FUT8: variants seen among roughly 807,000 people sequenced by gnomAD.
FUT8 encodes fucosyltransferase 8.
A neutral mutation model predicts 71.3 loss-of-function variants in FUT8; 29 were observed. The ratio of observed to expected loss-of-function variants is 0.41; its 90% CI spans 0.30 to 0.55. The LOEUF is 0.55. Among genes scored for constraint, FUT8 ranks in the 20% least tolerant of loss-of-function variants. The pLI, the probability that FUT8 is intolerant of heterozygous loss-of-function variation, is 0.34. For synonymous variants in FUT8, 254 were observed against 239.3 expected, an observed-to-expected ratio of 1.06 and a Z score of -0.57; for missense variants, 544 against 702.1, an observed-to-expected ratio of 0.77 and a Z score of 2.55.
At chr14:65,566,426 G>A (rs1242694938) in intron 3 of FUT8, among the ~76,000 whole-genome samples, 5 of 151,978 alleles carry the variant, frequency 3.3e-5, no homozygotes, top group African/African-American at 9.7e-5. Flanking sequence ...CACCACAGAA[G>A]GGAAGTTGAA....
intron 2 of FUT8, among the ~76,000 whole-genome samples, chr14:65,461,569 C>T (rs1234179543): frequency 3.3e-5 from 5 of 152,150 alleles, no homozygotes; most frequent in Non-Finnish European, 5.9e-5. Context: ...TTCTTGACAA[C>T]AGCATGGTAT....
At chr14:65,633,519 C>T (rs1890334444) in intron 6 of FUT8, among the ~76,000 whole-genome samples, 2 of 150,378 alleles carry the variant, frequency 1.3e-5, no homozygotes, top group South Asian at 4.2e-4. Context: ...AGCCGCCATC[C>T]CATCTAGGAA....
intron 2 of FUT8, among the ~76,000 whole-genome samples, chr14:65,508,262 C>T (rs1882064419): frequency 6.6e-6 from 1 of 151,630 alleles, no homozygotes. Context: ...TTAGTAGAGA[C>T]AGGGTTTCAC....
At chr14:65,389,312 C>G in the FUT8 span, among the ~76,000 whole-genome samples, 1 of 151,668 alleles carries the variant, frequency 6.6e-6, no homozygotes, top group Non-Finnish European at 1.5e-5. Flanking sequence ...TGGGCTCAAG[C>G]GATCCTCCCA....
At chr14:65,671,924 A>C (rs1052671797) in intron 7 of FUT8, among the ~76,000 whole-genome samples, 3 of 152,204 alleles carry the variant, frequency 2.0e-5, no homozygotes, top group African/African-American at 7.2e-5. Flanking sequence ...TCTGAGTTGT[A>C]CAAAAAATCT....
At chr14:65,575,712 G>A (rs773722621) in intron 3 of FUT8, among the ~76,000 whole-genome samples, 12 of 151,520 alleles carry the variant, frequency 7.9e-5, no homozygotes, top group Non-Finnish European at 1.8e-4. Context: ...TCCACCTCCC[G>A]GGTTCAAGCA....
At chr14:65,651,911 A>C (rs575731930) in intron 6 of FUT8, among the ~76,000 whole-genome samples, 1 of 152,352 alleles carries the variant, frequency 6.6e-6, no homozygotes, top group Admixed American at 6.5e-5. Context: ...TTACAGAAAC[A>C]TCTTCATATT....
chr14:65,573,341 A>G (rs1293648849), intron 3 of FUT8, among the ~76,000 whole-genome samples: 8 of 152,140 alleles, frequency 5.3e-5, no homozygotes, highest in Non-Finnish European at 1.0e-4. Context: ...ATATTAATAT[A>G]TTCATATATA....
intron 3 of FUT8, among the ~76,000 whole-genome samples, chr14:65,580,239 A>T (rs905056448): frequency 5.3e-5 from 8 of 151,410 alleles, no homozygotes; most frequent in Admixed American, 4.0e-4. Context: ...GATATAGGCT[A>T]TTGCTCCTAG....
At chr14:65,398,996 T>G in the FUT8 span, among the ~76,000 whole-genome samples, 2 of 152,182 alleles carry the variant, frequency 1.3e-5, no homozygotes, top group African/African-American at 4.8e-5. Context: ...TTAGCCTCTC[T>G]GTTACTAAGT....
At chr14:65,632,074 TATACATATACAC>T (rs1890213701) in intron 6 of FUT8, among the ~76,000 whole-genome samples, 1 of 152,262 alleles carries the variant, frequency 6.6e-6, no homozygotes, top group Admixed American at 6.5e-5. Context: ...TGCATATACA[TATACATATACAC>T]ATACATATAC....
chr14:65,439,973 T>TATATATATATATATATATGTACA (rs1382143906), intron 1 of FUT8, among the ~76,000 whole-genome samples: 1 of 135,964 alleles, frequency 7.4e-6, no homozygotes, highest in African/African-American at 2.7e-5. Flanking sequence ...TATATATATA[T>TATATATATATATATATATGTACA]ATATATATAT....
chr14:65,601,341 G>A (rs996924390), intron 3 of FUT8, among the ~76,000 whole-genome samples: 7 of 152,072 alleles, frequency 4.6e-5, no homozygotes, highest in Non-Finnish European at 1.0e-4. Context: ...ACAATTATTT[G>A]TTGTGCTTTT....
intron 10 of FUT8, among the ~76,000 whole-genome samples, chr14:65,737,856 C>T (rs563666370): frequency 4.6e-5 from 7 of 152,170 alleles, no homozygotes; most frequent in South Asian, 2.1e-4. Flanking sequence ...CAAATCCGCA[C>T]GCAATTCTAC....
chr14:65,626,530 T>G (rs964691829), intron 5 of FUT8, among the ~76,000 whole-genome samples: 8 of 152,200 alleles, frequency 5.3e-5, no homozygotes, highest in African/African-American at 1.9e-4. Context: ...TAAAATTCAT[T>G]GCTTGGGTTT....
At chr14:65,719,608 T>TTGAAGGGAGTTGGC (rs1243000309) in intron 7 of FUT8, among the ~76,000 whole-genome samples, 1 of 152,182 alleles carries the variant, frequency 6.6e-6, no homozygotes, top group Non-Finnish European at 1.5e-5. Context: ...TTCCAGATAT[T>TTGAAGGGAGTTGGC]TGAAGGGAGT....
intron 7 of FUT8, among the ~76,000 whole-genome samples, chr14:65,681,668 C>CTT (rs1296101983): frequency 1.6e-4 from 25 of 152,144 alleles, no homozygotes; most frequent in East Asian, 1.9e-4. Flanking sequence ...TTTTGGATAT[C>CTT]TTTGATTCAG....
chr14:65,611,211 GCGCGCGCGCGCGCACACACACACACA>G lies in FUT8; in HGVS notation c.204-4765_204-4740del, dbSNP rs1566850985. Among the ~76,000 whole-genome samples the G allele has an allele frequency of 1.4e-3, 16 of 11,700 alleles. 3 individuals are homozygous for G. The highest frequency in any genetic ancestry group is 0.011 in the East Asian group (2 of 186). 7.7% of individuals were successfully genotyped at this position (11,700 alleles called of 152,430 possible). A position where few individuals can be genotyped will look rare whatever the true frequency, so the allele number is the denominator to read the frequency against. On this transcript the variant is annotated intron_variant, in intron 3 of 10. Coordinates refer to ENST00000673929, the MANE Select transcript of FUT8 (RefSeq NM_001371533.1). ...CACACACACACACGCGCGCGCGCGC[GCGCGCGCGCGCGCACACACACACACA>G]CACACACACACACACACACACACAC...
intron 2 of FUT8, among the ~76,000 whole-genome samples, chr14:65,458,930 A>C (rs1220237240): frequency 6.6e-6 from 1 of 151,922 alleles, no homozygotes; most frequent in Non-Finnish European, 1.5e-5. Flanking sequence ...CTGGGATTAC[A>C]GATGTGTGTC....
Sources: gnomAD v4.1 joint callset for allele counts (sites outside exome capture counted in the v4.1 genomes callset) on GRCh38, gnomAD v4.1.1 for gene constraint, MANE v1.5 for transcripts, NCBI Gene and HGNC (gene_info 2026-07-23, HGNC 2026-07-21) for gene names.